GSE1: variants seen among roughly 807,000 people sequenced by gnomAD.
GSE1 encodes the protein genetic suppressor element 1.
GSE1 carries 32 observed loss-of-function variants against 112.6 expected under a neutral mutation model. The ratio of observed to expected loss-of-function variants is 0.28; its 90% CI spans 0.21 to 0.38. GSE1 has a LOEUF of 0.38. Among genes scored for constraint, GSE1 ranks in the 10% least tolerant of loss-of-function variants. The probability of loss-of-function intolerance (pLI) is 1.00; values close to 1 mark genes in which losing one functional copy is unlikely to be tolerated. For missense variants in GSE1, 2,348 were observed against 1,699.2 expected, an observed-to-expected ratio of 1.38 and a Z score of -6.71; for synonymous variants, 1,115 against 735.6, an observed-to-expected ratio of 1.52 and a Z score of -8.35.
At chr16:85,306,928 C>A (rs868238534) in intron 1 of GSE1, among the ~76,000 whole-genome samples, 3 of 152,216 alleles carry the variant, frequency 2.0e-5, no homozygotes, top group Admixed American at 6.5e-5. Context: ...TCCTGTTATG[C>A]ACTGGGGCAC....
intron 1 of GSE1, among the ~76,000 whole-genome samples, chr16:85,192,268 TCGGGGCTCTACCCCTTGCTA>T (rs1473110710): frequency 2.0e-5 from 3 of 152,250 alleles, no homozygotes; most frequent in Non-Finnish European, 4.4e-5. Context: ...GGGGTTCAAA[TCGGGGCTCTACCCCTTGCTA>T]GCTGTGCGTT....
chr16:85,488,732 A>T lies in GSE1; in HGVS notation c.2464+131089A>T, dbSNP rs933239300. 2.0e-5 allele frequency among the ~76,000 whole-genome samples: 3 copies of T among 152,118 alleles called. No homozygotes were observed. The East Asian group carries it at 5.8e-4, about 29-fold the overall frequency. ...TGGAGAGCAGAGGACAGAGTGATGG[A>T]GACTGGAGGAGGACCTTGAGCTGCC... On this transcript the variant is annotated intron_variant, in intron 2 of 2. Transcript: ENST00000637419.
chr16:85,351,985 A>T (rs780671178), intron 1 of GSE1, among the ~76,000 whole-genome samples: 8 of 145,520 alleles, frequency 5.5e-5, no homozygotes, highest in Non-Finnish European at 1.2e-4. Context: ...GCAAGACTCC[A>T]TCTCAAAACA....
At chr16:85,320,463 G>T (rs1433336756) in intron 1 of GSE1, among the ~76,000 whole-genome samples, 3 of 151,482 alleles carry the variant, frequency 2.0e-5, no homozygotes, top group African/African-American at 7.3e-5. Context: ...GTTTTGTTTT[G>T]TTTTGTTTTT....
chr16:85,225,806 A>G (rs534107673), intron 1 of GSE1, among the ~76,000 whole-genome samples: 2 of 152,338 alleles, frequency 1.3e-5, no homozygotes, highest in East Asian at 1.9e-4. Context: ...AAAACAATAA[A>G]TCTTTATCAT....
intron 1 of GSE1, among the ~76,000 whole-genome samples, chr16:85,616,256 C>T (rs997056937): frequency 1.3e-5 from 2 of 152,364 alleles, no homozygotes; most frequent in African/African-American, 4.8e-5. Flanking sequence ...AGGAGGCGGA[C>T]TGGGGGGCCT....
In GSE1 at chr16:85,666,119, C is replaced by A. The variant is rs142618003; in HGVS notation, c.2902C>A (p.Pro968Thr). 6.2e-7 allele frequency: 1 copy of A among 1,613,266 alleles called. No homozygotes were observed. Among genetic ancestry groups the A allele is most frequent in the South Asian group, 1.1e-5 (1 of 91,078 alleles). ...GCTGTCGAGAGTCCAGGAGCTAGCT[C>A]CTGCCAGCGGGGAGAAGGCCAGGCT... Reference protein sequence around the residue: ...QELSRVQELAPASGEKARLSE... With the variant: ...QELSRVQELATASGEKARLSE... The change falls in exon 13 of 16, where the codon CCT becomes ACT. Residue 968 changes from proline (P) to threonine (T), a missense_variant. Transcript: ENST00000253458.
chr16:85,356,824 C>G (rs913016774), intron 1 of GSE1, among the ~76,000 whole-genome samples: 2 of 152,174 alleles, frequency 1.3e-5, no homozygotes, highest in African/African-American at 4.8e-5. Flanking sequence ...AATCAAGGCA[C>G]TCCAGTTGCT....
intron 2 of GSE1, among the ~76,000 whole-genome samples, chr16:85,527,366 G>A (rs1474834425): frequency 6.6e-6 from 1 of 152,266 alleles, no homozygotes. Context: ...ATGCTGAAGA[G>A]GTTCGCCCTC....
upstream of GSE1, among the ~76,000 whole-genome samples, chr16:85,552,682 C>G (rs1435323028): frequency 6.6e-6 from 1 of 152,230 alleles, no homozygotes; most frequent in Non-Finnish European, 1.5e-5. Flanking sequence ...GGAAGCCAGG[C>G]TGATGGGAGC....
At chr16:85,183,765 G>A (rs775672140) in intron 1 of GSE1, among the ~76,000 whole-genome samples, 7 of 152,196 alleles carry the variant, frequency 4.6e-5, no homozygotes, top group Non-Finnish European at 7.3e-5. Context: ...AGATGTACAG[G>A]CTGAGGCTCA....
intron 1 of GSE1, among the ~76,000 whole-genome samples, chr16:85,238,606 C>A (rs1329619567): frequency 6.6e-6 from 1 of 152,188 alleles, no homozygotes; most frequent in African/African-American, 2.4e-5. Flanking sequence ...CCTCTGCACT[C>A]CCCCTTGGAG....
rs1226963440 is a variant in GSE1, at chr16:85,655,782, C to T, written c.854C>T (p.Thr285Ile). The T allele has an allele frequency of 1.9e-6, 3 of 1,607,366 alleles. No individual in the cohort carries two copies. The highest frequency in any genetic ancestry group is 1.1e-5 in the South Asian group (1 of 90,812). ...AGGTCCCCGTTCTACCCCATCCCCACCCCCGGCTCCCTGCCCCCACTGCAC... is the reference window on the plus strand; with the variant it reads ...AGGTCCCCGTTCTACCCCATCCCCATCCCCGGCTCCCTGCCCCCACTGCAC... ...ALRSPFYPIP[T>I]PGSLPPLHPS... Residue 285 changes from threonine to isoleucine, a missense_variant, in exon 6 of 16, where the codon ACC (threonine) becomes ATC (isoleucine). Coordinates refer to ENST00000253458, the MANE Select transcript of GSE1 (RefSeq NM_014615.5).
intron 2 of GSE1, among the ~76,000 whole-genome samples, chr16:85,487,913 C>T (rs2050893169): frequency 6.6e-6 from 1 of 152,240 alleles, no homozygotes; most frequent in South Asian, 2.1e-4. Flanking sequence ...AAGGGTGACC[C>T]ACCCATCACT....
intron 1 of GSE1, chr16:85,285,210 A>T (rs185662339): frequency 6.6e-6 from 1 of 152,300 alleles, no homozygotes; most frequent in Admixed American, 6.5e-5. Context: ...CGCCAAGGGG[A>T]ACCCAATGTC....
chr16:85,237,037 A>G (rs1904736022), intron 1 of GSE1, among the ~76,000 whole-genome samples: 1 of 152,226 alleles, frequency 6.6e-6, no homozygotes, highest in African/African-American at 2.4e-5. Flanking sequence ...TTCCAGAAAG[A>G]ATAATGGGCT....
chr16:85,444,506 T>C (rs2049459608), intron 2 of GSE1, among the ~76,000 whole-genome samples: 1 of 152,168 alleles, frequency 6.6e-6, no homozygotes, highest in Non-Finnish European at 1.5e-5. Flanking sequence ...CCGGACAGCC[T>C]GAGGAACCCT....
chr16:85,240,951 GA>G (rs1181330849), intron 1 of GSE1, among the ~76,000 whole-genome samples: 1 of 152,136 alleles, frequency 6.6e-6, no homozygotes, highest in Middle Eastern at 3.2e-3. Context: ...CTCCCTCCTA[GA>G]AAAAATGCCC....
chr16:85,644,005 G>T (rs1211612245), intron 2 of GSE1, among the ~76,000 whole-genome samples: 1 of 152,082 alleles, frequency 6.6e-6, no homozygotes, highest in Non-Finnish European at 1.5e-5. Flanking sequence ...CCTGGGTTTG[G>T]GCCGGGTGCA....
Sources: allele counts gnomAD v4.1 joint callset (sites outside exome capture counted in the v4.1 genomes callset), GRCh38; gene constraint gnomAD v4.1.1; transcripts MANE v1.5; gene names NCBI Gene and HGNC (gene_info 2026-07-23, HGNC 2026-07-21).